The following POLR2B variants were observed in gnomAD, a reference collection of about 807,000 sequenced individuals.
POLR2B encodes the protein DNA-directed RNA polymerase II subunit RPB2.
Under a neutral mutation model 144.6 loss-of-function variants are expected in POLR2B, and 57 were observed. That is an observed-to-expected ratio of 0.39 (90% CI 0.32 to 0.49). The LOEUF (loss-of-function observed/expected upper bound fraction) is 0.49, where lower values mean the gene tolerates loss of function less well. POLR2B is among the 20% of genes least tolerant of loss of function. The pLI, the probability that POLR2B is intolerant of heterozygous loss-of-function variation, is 0.83. For missense variants in POLR2B, 595 were observed against 1,467.4 expected (o/e 0.41, Z 9.71); for synonymous variants, 442 against 469.8 (o/e 0.94, Z 0.77).
chr4:57,002,005 C>G (rs1478770880), intron 7 of POLR2B, among the ~76,000 whole-genome samples: 1 of 152,020 alleles, frequency 6.6e-6, no homozygotes, highest in African/African-American at 2.4e-5. Flanking sequence ...TTAGATTTTA[C>G]TTTCAGATTT....
At chr4:56,995,811 T>G (rs1002310066) in intron 6 of POLR2B, among the ~76,000 whole-genome samples, 1 of 152,242 alleles carries the variant, frequency 6.6e-6, no homozygotes, top group Non-Finnish European at 1.5e-5. Flanking sequence ...GGCCTCTGCG[T>G]ATAGCAGCTG....
At chr4:57,011,623 G>A (rs1253650308) in intron 13 of POLR2B, among the ~76,000 whole-genome samples, 1 of 152,162 alleles carries the variant, frequency 6.6e-6, no homozygotes, top group Non-Finnish European at 1.5e-5. Context: ...AAGAGATTGA[G>A]ACCATCCTGG....
chr4:57,026,191 T>C (rs7676521), intron 23 of POLR2B, among the ~76,000 whole-genome samples: 36,288 of 151,534 alleles, frequency 0.24, 4,525 homozygotes, highest in Middle Eastern at 0.28. Context: ...TGAGCCGAGA[T>C]CACACCCCTG....
chr4:57,009,241 G>A (rs1343584074), intron 10 of POLR2B, among the ~76,000 whole-genome samples: 2 of 152,188 alleles, frequency 1.3e-5, no homozygotes, highest in Non-Finnish European at 1.5e-5. Flanking sequence ...AGATGGCTTT[G>A]TAGAGGTGGT....
intron 7 of POLR2B, 136 bp downstream of exon 7, chr4:56,999,917 G>A (rs1254974035): frequency 5.2e-6 from 3 of 571,946 alleles, no homozygotes; most frequent in Non-Finnish European, 8.8e-6. Context: ...CATTTACTGT[G>A]TAGTGAAAGC....
In POLR2B at chr4:56,990,900, T is replaced by C; in HGVS notation, c.243+2T>C. On this transcript the variant is annotated splice_donor_variant, in intron 3 of 24. Transcript: ENST00000314595. LOFTEE classifies it high-confidence loss of function. The stretch of plus-strand genomic sequence containing the variant: ...GCTAGTGGAGAAGTTGAAGAACCGG[T>C]AAGATAGTTCTAATAGTTACACAGG... 2 of 1,609,486 alleles carry C rather than the reference T, an allele frequency of 1.2e-6. No homozygotes were observed. Among genetic ancestry groups the C allele is most frequent in the Non-Finnish European group, 1.7e-6 (2 of 1,178,532 alleles).
Position 57,024,923 on chromosome 4 carries a change from C to A in POLR2B, c.3002C>A (p.Pro1001Gln). The A allele has an allele frequency of 6.3e-7, 1 of 1,598,080 alleles. No homozygotes were observed. Among genetic ancestry groups the A allele is most frequent in the Non-Finnish European group, 8.6e-7 (1 of 1,169,528 alleles). Residue 1001 changes from proline to glutamine, a missense_variant, in exon 22 of 25, where the codon CCA becomes CAA. By Grantham distance (76) the Pro-to-Gln change is moderately conservative. Around this residue, in one of 9 missense-constraint regions of POLR2B, gnomAD observed 65 missense variants for 282.8 expected, o/e 0.23. Transcript: ENST00000314595. ...ANKGEIGDATPFNDAVNVQKI... is the reference protein window; with the variant it reads ...ANKGEIGDATQFNDAVNVQKI... ...AAGGGTGAAATTGGTGATGCCACTC[C>A]ATTTAATGATGCTGTTAACGTGCAG...
chr4:57,024,734 G>C, intron 21 of POLR2B, 152 bp from the exon 22 acceptor site: 1 of 555,408 alleles, frequency 1.8e-6, no homozygotes, highest in Non-Finnish European at 3.1e-6. Flanking sequence ...CATAGATTTT[G>C]AGTTCAAAAT....
chr4:56,998,930 A>G lies in POLR2B; in HGVS notation c.736-687A>G, dbSNP rs80305579. On this transcript the variant is annotated intron_variant, in intron 6 of 24. Transcript: ENST00000314595. ...GTTATTAGAGGGATTATAGTAATGT[A>G]GGGTTATGAGGCCAAGGGAAGATAG... Among the ~76,000 whole-genome samples the G allele has an allele frequency of 3.3e-3, 502 of 152,350 alleles. 2 individuals are homozygous for G. Among genetic ancestry groups the G allele is most frequent in the African/African-American group, 0.011 (475 of 41,588 alleles).
Position 56,984,012 on chromosome 4 carries a change from G to A in POLR2B, c.20-2342G>A, listed in dbSNP as rs1722240139. Among the ~76,000 whole-genome samples the A allele has an allele frequency of 2.0e-5, 3 of 151,360 alleles. No individual in the cohort carries two copies. The South Asian group carries it at 6.3e-4, about 32-fold the overall frequency. ...TCCTAGTAGCTGGGACTACAGGCAG[G>A]TGCCACCATGCCTGGCTAATTTTTG... On this transcript the variant is annotated intron_variant, in intron 1 of 24. Transcript: ENST00000314595.
chr4:57,030,822 T>C, intron 24 of POLR2B, 77 bp from the exon 25 acceptor site: 1 of 812,292 alleles, frequency 1.2e-6, no homozygotes, highest in South Asian at 1.4e-5. Context: ...GTACCAGATC[T>C]TTGTCTTTTT....
chr4:57,027,867 C>T (rs1723775562), intron 23 of POLR2B, among the ~76,000 whole-genome samples: 1 of 152,128 alleles, frequency 6.6e-6, no homozygotes, highest in South Asian at 2.1e-4. Flanking sequence ...AAAAAAATTG[C>T]ATTTGTTAAT....
rs145174565 is a variant in POLR2B, at chr4:57,017,318, T to C, written c.2154+77T>C. On this transcript the variant is annotated intron_variant, in intron 15 of 24. Transcript: ENST00000314595. This position sits in a 1 kb window ranked among gnomAD's most constrained non-coding sequence, Gnocchi z 4.8. ...AATTGAAAGTAACTCTGTAGTCTTATCTGGAGGGAAAAAGCCTTTTAATGA... is the reference window on the plus strand; with the variant it reads ...AATTGAAAGTAACTCTGTAGTCTTACCTGGAGGGAAAAAGCCTTTTAATGA... 612 of 1,071,326 alleles carry C rather than the reference T, an allele frequency of 5.7e-4. 3 individuals are homozygous for C. In the African/African-American group the frequency reaches 8.7e-3, roughly 15 times the overall value. 66.4% of individuals were successfully genotyped at this position (1,071,326 alleles called of 1,614,324 possible).
chr4:56,986,508 A>G (rs1722338850), intron 2 of POLR2B, 82 bp downstream of exon 2: 1 of 790,888 alleles, frequency 1.3e-6, no homozygotes, highest in African/African-American at 1.7e-5. Context: ...GCTCTTCTAT[A>G]TAAATATGCT....
At position 57,023,455 on chromosome 4, in the gene POLR2B, G is replaced by T; in HGVS notation, c.2641G>T (p.Glu881Ter). ...CTTGCCTGAAAATGAAGATGAATTG[G>T]AGAGCACCAATAGACGCTATACCAA... is the stretch of plus-strand genomic sequence containing the variant. ...VTLPENEDEL[E>*]STNRRYTKRD... Residue 881 changes from glutamate (E) to a stop codon, truncating the protein, a stop_gained, in exon 19 of 25, where the codon GAG becomes TAG. Coordinates refer to ENST00000314595, the MANE Select transcript of POLR2B (RefSeq NM_000938.3). LOFTEE classifies it high-confidence loss of function. The surrounding 1 kb of genome is among the most constrained non-coding windows in gnomAD (Gnocchi z 4.3). 6.2e-7 allele frequency: 1 copy of T among 1,614,062 alleles called. No individual in the cohort carries two copies. Among genetic ancestry groups the T allele is most frequent in the South Asian group, 1.1e-5 (1 of 91,080 alleles).
At chr4:57,028,844 T>C (rs2109727205) in intron 23 of POLR2B, among the ~76,000 whole-genome samples, 1 of 152,352 alleles carries the variant, frequency 6.6e-6, no homozygotes. Context: ...TTTCCCTGAT[T>C]ATCACATAAG....
rs115468215 is a variant in POLR2B at position 56,980,959 on chromosome 4, C to G, written c.19+1955C>G. 6.7e-3 allele frequency among the ~76,000 whole-genome samples: 1,012 copies of G among 152,006 alleles called. 8 individuals are homozygous for G. Among genetic ancestry groups the G allele is most frequent in the Non-Finnish European group, 0.01 (711 of 67,986 alleles). The stretch of plus-strand genomic sequence containing the variant: ...AGCTGAGATTACAGGCGTACACCAC[C>G]GTGCCCAGCTAATTTTAGTATTTTT... On this transcript the variant is annotated intron_variant, in intron 1 of 24. Coordinates refer to ENST00000314595, the MANE Select transcript of POLR2B (RefSeq NM_000938.3).
chr4:56,986,416 A>G lies in POLR2B; in HGVS notation c.82A>G (p.Ile28Val). ...TPDLWQEACWIVISSYFDEKG... is the reference protein window; with the variant it reads ...TPDLWQEACWVVISSYFDEKG... ...GGATTTGTGGCAAGAAGCATGCTGG[A>G]TTGTAATCAGGTAACTTTGGACCAA... The change falls in exon 2 of 25, where the codon ATT becomes GTT. Residue 28 changes from isoleucine (I) to valine (V), a missense_variant. Ile to Val is a conservative substitution (Grantham distance 29). Coordinates refer to ENST00000314595, the MANE Select transcript of POLR2B (RefSeq NM_000938.3). 3 of 1,609,424 alleles carry G rather than the reference A, an allele frequency of 1.9e-6. No homozygotes were observed. The highest frequency in any genetic ancestry group is 2.6e-6 in the Non-Finnish European group (3 of 1,175,822).
intron 24 of POLR2B, 148 bp downstream of exon 24, chr4:57,030,547 G>T: frequency 1.6e-6 from 1 of 610,494 alleles, no homozygotes; most frequent in Non-Finnish European, 2.8e-6. Context: ...TCTAAATAAG[G>T]AAAAGATAAT....
Sources: gnomAD v4.1 joint callset for allele counts (sites outside exome capture counted in the v4.1 genomes callset) on GRCh38, gnomAD v4.1.1 for gene constraint, gnomAD v4.1.1 regional missense constraint, Gnocchi (gnomAD v3.1) non-coding constraint, MANE v1.5 for transcripts, NCBI Gene and HGNC (gene_info 2026-07-23, HGNC 2026-07-21) for gene names.